The following TERF1 variants were observed in gnomAD, a reference collection of about 807,000 sequenced individuals.
TERF1 encodes the protein telomeric repeat binding factor 1.
TERF1 carries 20 observed loss-of-function variants against 55.1 expected under a neutral mutation model. That is an observed-to-expected ratio of 0.36 (90% CI 0.26 to 0.53). The LOEUF (loss-of-function observed/expected upper bound fraction) is 0.53, where lower values mean the gene tolerates loss of function less well. Ranked by LOEUF, TERF1 falls within the 20% of genes least tolerant of loss-of-function variation. TERF1 has a pLI of 0.91. For synonymous variants in TERF1, 168 were observed against 181.2 expected (o/e 0.93, Z 0.59); for missense variants, 439 against 535.7 (o/e 0.82, Z 1.78).
At chr8:73,039,253 T>C (rs773644950) in intron 9 of TERF1, 34 bp downstream of exon 9, 1 of 1,396,702 alleles carries the variant, frequency 7.2e-7, no homozygotes, top group East Asian at 2.3e-5. Context: ...ATAACGCTTA[T>C]GGACATTAAA....
intron 5 of TERF1, among the ~76,000 whole-genome samples, chr8:73,026,068 C>T (rs1808981238): frequency 1.4e-5 from 2 of 146,580 alleles, no homozygotes; most frequent in Admixed American, 1.4e-4. Flanking sequence ...CATAGTGGCA[C>T]ACGCCTGTAG....
chr8:73,046,202 C>T lies in TERF1; in HGVS notation c.*65C>T. On this transcript the variant is annotated 3_prime_UTR_variant, in exon 10 of 10. Coordinates refer to ENST00000276603, the MANE Select transcript of TERF1 (RefSeq NM_017489.3). ...TTTGATCACTGCATTTTGTTTGAAA[C>T]TTGTGTCATTGATGTAATTTAAAAC... 3 of 1,333,266 alleles carry T rather than the reference C, an allele frequency of 2.3e-6. No individual in the cohort carries two copies. The highest frequency in any genetic ancestry group is 3.0e-6 in the Non-Finnish European group (3 of 998,634). 82.6% of individuals were successfully genotyped at this position (1,333,266 alleles called of 1,614,324 possible).
At chr8:73,024,396 T>C (rs1586042352) in intron 4 of TERF1, among the ~76,000 whole-genome samples, 1 of 152,220 alleles carries the variant, frequency 6.6e-6, no homozygotes, top group African/African-American at 2.4e-5. Flanking sequence ...TAAGCAATGC[T>C]ACATATTTGT....
chr8:73,043,750 T>C (rs16938560), intron 9 of TERF1, among the ~76,000 whole-genome samples: 2,382 of 152,278 alleles, frequency 0.016, 58 homozygotes, highest in African/African-American at 0.055. Context: ...GGGGCTTTTG[T>C]ATTGTATCAA....
At chr8:73,017,678 A>G (rs1808570382) in intron 2 of TERF1, among the ~76,000 whole-genome samples, 1 of 151,502 alleles carries the variant, frequency 6.6e-6, no homozygotes, top group African/African-American at 2.4e-5. Flanking sequence ...AATCTCTGGG[A>G]GATGGGTATA....
At chr8:73,037,698 AT>A in intron 8 of TERF1, among the ~76,000 whole-genome samples, 1 of 42,526 alleles carries the variant, frequency 2.4e-5, no homozygotes, top group East Asian at 3.3e-4. Flanking sequence ...ATTATATAGT[AT>A]AATATTATAT....
At chr8:73,037,485 T>TTA (rs936962666) in intron 8 of TERF1, among the ~76,000 whole-genome samples, 2 of 119,690 alleles carry the variant, frequency 1.7e-5, no homozygotes, top group Non-Finnish European at 3.4e-5. Flanking sequence ...TTAAATATAT[T>TTA]TATATATAAT....
intron 8 of TERF1, among the ~76,000 whole-genome samples, chr8:73,034,922 T>C (rs4430135): frequency 0.59 from 90,349 of 151,962 alleles, 27,875 homozygotes; most frequent in Middle Eastern, 0.76. Flanking sequence ...GAGCCCAGGC[T>C]TTTAATTGCT....
chr8:73,018,842 A>T (rs1482212496), intron 2 of TERF1: 1 of 152,158 alleles, frequency 6.6e-6, no homozygotes, highest in Non-Finnish European at 1.5e-5. Flanking sequence ...TAGAGTAAGA[A>T]GTTTTTTGTC....
chr8:73,030,345 C>G lies in TERF1; in HGVS notation c.897C>G (p.Asp299Glu), dbSNP rs768286752. The change falls in exon 7 of 10, where the codon GAC becomes GAG. Residue 299 changes from aspartate (D) to glutamate (E), a missense_variant. Physicochemically the swap from Asp to Glu is conservative, Grantham distance 45. Coordinates refer to ENST00000276603, the MANE Select transcript of TERF1 (RefSeq NM_017489.3). ...TTTTCTTCTTTTAAAGTGTTAGTGA[C>G]AAACAGTCTGCGGTAACTGAATCCT... ...ANLDTRKSVS[D>E]KQSAVTESSE... The G allele has an allele frequency of 6.5e-7, 1 of 1,529,816 alleles. No individual in the cohort carries two copies. The highest frequency in any genetic ancestry group is 2.5e-5 in the Admixed American group (1 of 40,474). The allele number at this position is 1,529,816 out of a possible 1,614,324, so 94.8% of individuals were successfully genotyped here. A position where few individuals can be genotyped will look rare whatever the true frequency, so the allele number is the denominator to read the frequency against.
At chr8:73,043,577 T>C (rs1809916340) in intron 9 of TERF1, among the ~76,000 whole-genome samples, 2 of 152,196 alleles carry the variant, frequency 1.3e-5, no homozygotes, top group Non-Finnish European at 2.9e-5. Context: ...AATTTTAATA[T>C]GGTTCTTAGC....
intron 7 of TERF1, chr8:73,031,662 G>A (rs1809291551): frequency 6.5e-6 from 1 of 154,554 alleles, no homozygotes; most frequent in African/African-American, 2.4e-5. Context: ...AAGGAATTTT[G>A]GAATCCGTCT....
chr8:73,039,292 C>G, intron 9 of TERF1, 73 bp downstream of exon 9: 2 of 1,083,380 alleles, frequency 1.8e-6, no homozygotes, highest in Non-Finnish European at 2.6e-6. Flanking sequence ...GTGATTATTT[C>G]TGTTCAACCT....
intron 1 of TERF1, chr8:73,010,431 G>C (rs1808235872): frequency 6.6e-6 from 1 of 152,196 alleles, no homozygotes; most frequent in African/African-American, 2.4e-5. Flanking sequence ...GGAGACATCA[G>C]TATGAACTGT....
chr8:73,024,164 G>A (rs755147101), intron 4 of TERF1, among the ~76,000 whole-genome samples: 3 of 152,132 alleles, frequency 2.0e-5, no homozygotes, highest in Admixed American at 6.5e-5. Flanking sequence ...GTTGAAGAGC[G>A]ATACAATAAT....
intron 9 of TERF1, among the ~76,000 whole-genome samples, chr8:73,044,730 CCAT>C (rs1276916730): frequency 1.3e-5 from 2 of 152,134 alleles, no homozygotes; most frequent in Non-Finnish European, 2.9e-5. Flanking sequence ...CCCCTTGCCA[CCAT>C]CATTCTACTT....
intron 3 of TERF1, 127 bp downstream of exon 3, chr8:73,020,932 C>T: frequency 1.5e-6 from 1 of 688,034 alleles, no homozygotes; most frequent in Non-Finnish European, 2.4e-6. Flanking sequence ...AGAAATTTGA[C>T]CTTTGGTTTA....
intron 9 of TERF1, among the ~76,000 whole-genome samples, chr8:73,041,025 C>G (rs1586069580): frequency 6.6e-6 from 1 of 152,078 alleles, no homozygotes; most frequent in East Asian, 1.9e-4. Flanking sequence ...CCATTAAATC[C>G]TTTGACATAT....
intron 6 of TERF1, among the ~76,000 whole-genome samples, chr8:73,028,642 A>G (rs776694673): frequency 7.0e-6 from 1 of 142,698 alleles, no homozygotes; most frequent in African/African-American, 2.7e-5. Context: ...GTCCACATAC[A>G]TGGTACTTTC....
Sources: allele counts gnomAD v4.1 joint callset (sites outside exome capture counted in the v4.1 genomes callset), GRCh38; gene constraint gnomAD v4.1.1; transcripts MANE v1.5; gene names NCBI Gene and HGNC (gene_info 2026-07-23, HGNC 2026-07-21).